Variants in WFDC11 observed in about 807,000 individuals in gnomAD.
WFDC11 encodes protein WFDC11.
Under a neutral mutation model 9.9 loss-of-function variants are expected in WFDC11, and 9 were observed. The observed-to-expected ratio is 0.91, with a 90% CI of 0.55 to 1.58. The LOEUF (loss-of-function observed/expected upper bound fraction) is 1.58. Among genes scored for constraint, WFDC11 ranks in the 40% most tolerant of loss-of-function variants. The pLI is 0.00. For missense variants in WFDC11, 106 were observed against 101.7 expected, an observed-to-expected ratio of 1.04 and a Z score of -0.18; for synonymous variants, 32 against 33.3, an observed-to-expected ratio of 0.96 and a Z score of 0.13.
intron 2 of WFDC11, among the ~76,000 whole-genome samples, chr20:45,661,469 G>A (rs887326018): frequency 1.7e-4 from 26 of 151,896 alleles, no homozygotes; most frequent in East Asian, 3.8e-4. Flanking sequence ...TGCTTTTGGC[G>A]TTTTAGACAT....
chr20:45,650,852 A>G (rs1982790998), intron 2 of WFDC11, among the ~76,000 whole-genome samples: 1 of 152,230 alleles, frequency 6.6e-6, no homozygotes, highest in African/African-American at 2.4e-5. Flanking sequence ...GCTGGAAAAA[A>G]AATATAATGT....
intron 2 of WFDC11, among the ~76,000 whole-genome samples, chr20:45,664,352 T>C (rs1374516216): frequency 6.6e-6 from 1 of 152,198 alleles, no homozygotes; most frequent in Non-Finnish European, 1.5e-5. Flanking sequence ...TATAGCACAC[T>C]GATGGGTCTT....
intron 2 of WFDC11, among the ~76,000 whole-genome samples, chr20:45,656,222 G>GTA (rs1555803599): frequency 1.4e-5 from 2 of 139,352 alleles, no homozygotes; most frequent in Non-Finnish European, 3.1e-5. Context: ...CATAGTACTG[G>GTA]TAAAAAAAAA....
At chr20:45,653,665 T>A (rs1226935792) in intron 2 of WFDC11, among the ~76,000 whole-genome samples, 3 of 152,136 alleles carry the variant, frequency 2.0e-5, no homozygotes, top group Non-Finnish European at 4.4e-5. Context: ...GACCCATCAG[T>A]GTGTTGTATT....
At chr20:45,654,628 TC>T (rs1296459395) in intron 2 of WFDC11, among the ~76,000 whole-genome samples, 2 of 152,036 alleles carry the variant, frequency 1.3e-5, no homozygotes, top group East Asian at 3.8e-4. Context: ...CTTCAAAAAA[TC>T]AATGAATCCA....
At chr20:45,661,293 G>A (rs1156712800) in intron 2 of WFDC11, among the ~76,000 whole-genome samples, 5 of 152,076 alleles carry the variant, frequency 3.3e-5, no homozygotes, top group Admixed American at 1.3e-4. Flanking sequence ...ATTTGTTTGA[G>A]TTCTTTATAG....
At position 45,656,155 on chromosome 20, in the gene WFDC11, G is replaced by T. The variant is rs553918549; in HGVS notation, c.-51-5504C>A. Among the ~76,000 whole-genome samples, 9 of 152,174 alleles carry T rather than the reference G, an allele frequency of 5.9e-5. No homozygotes were observed. The South Asian group carries it at 1.7e-3, about 28-fold the overall frequency. ...ATCCTAAACCAAAAGAACAAAGCTG[G>T]AGGCATCACGTTACCTGACTTCAAA... On this transcript the variant is annotated intron_variant, in intron 2 of 4. Transcript: ENST00000324384.
At chr20:45,666,021 C>T (rs1287658312) in intron 2 of WFDC11, among the ~76,000 whole-genome samples, 7 of 152,210 alleles carry the variant, frequency 4.6e-5, no homozygotes, top group Non-Finnish European at 1.0e-4. Flanking sequence ...ATATGCCCTG[C>T]CCACAGTGGT....
intron 2 of WFDC11, among the ~76,000 whole-genome samples, chr20:45,658,569 T>C (rs1982986374): frequency 6.6e-6 from 1 of 152,210 alleles, no homozygotes; most frequent in Non-Finnish European, 1.5e-5. Context: ...CATTTCTTAA[T>C]GAGCTTATTT....
intron 2 of WFDC11, among the ~76,000 whole-genome samples, chr20:45,659,182 T>C (rs1983000147): frequency 6.6e-6 from 1 of 152,264 alleles, no homozygotes. Flanking sequence ...TACATGTGCA[T>C]GTGTCTTTAT....
intron 2 of WFDC11, among the ~76,000 whole-genome samples, chr20:45,665,757 A>G (rs2145624369): frequency 6.6e-6 from 1 of 152,324 alleles, no homozygotes; most frequent in East Asian, 1.9e-4. Flanking sequence ...AGGCTGCAGA[A>G]TAGCAAATAT....
At chr20:45,661,495 G>A (rs868260502) in intron 2 of WFDC11, among the ~76,000 whole-genome samples, 3 of 152,126 alleles carry the variant, frequency 2.0e-5, no homozygotes, top group Non-Finnish European at 4.4e-5. Flanking sequence ...CCTTGCCCAC[G>A]CCTATGTCCT....
chr20:45,663,442 T>C (rs1395192679), intron 2 of WFDC11, among the ~76,000 whole-genome samples: 2 of 152,220 alleles, frequency 1.3e-5, no homozygotes, highest in Non-Finnish European at 2.9e-5. Context: ...TCTTCTCTGA[T>C]CTTAGTTATT....
At chr20:45,663,375 A>T (rs776721914) in intron 2 of WFDC11, among the ~76,000 whole-genome samples, 4 of 152,100 alleles carry the variant, frequency 2.6e-5, no homozygotes, top group Non-Finnish European at 5.9e-5. Flanking sequence ...TCAAAAAACC[A>T]GCTCCTGGAT....
At chr20:45,658,402 G>T (rs1363689569) in intron 2 of WFDC11, among the ~76,000 whole-genome samples, 2 of 151,992 alleles carry the variant, frequency 1.3e-5, no homozygotes, top group African/African-American at 4.8e-5. Context: ...TCTGTTCAGG[G>T]TATCTAATTC....
At chr20:45,669,160 G>A (rs1223710768) in intron 1 of WFDC11, among the ~76,000 whole-genome samples, 1 of 152,070 alleles carries the variant, frequency 6.6e-6, no homozygotes, top group East Asian at 1.9e-4. Flanking sequence ...CTCATCCGAT[G>A]TAAACTTAAA....
intron 2 of WFDC11, among the ~76,000 whole-genome samples, chr20:45,660,689 G>A (rs6073839): frequency 0.2 from 29,649 of 151,896 alleles, 3,190 homozygotes; most frequent in East Asian, 0.32. Context: ...TTCTTGTGAT[G>A]GTTTACTGAG....
intron 2 of WFDC11, among the ~76,000 whole-genome samples, chr20:45,666,143 C>T (rs1778565121): frequency 6.6e-6 from 1 of 152,228 alleles, no homozygotes; most frequent in Non-Finnish European, 1.5e-5. Flanking sequence ...ACACCCCTCC[C>T]CCCGCCAGGC....
chr20:45,657,964 G>A (rs1430810705), intron 2 of WFDC11, among the ~76,000 whole-genome samples: 1 of 152,070 alleles, frequency 6.6e-6, no homozygotes, highest in African/African-American at 2.4e-5. Flanking sequence ...TCTTTCATAT[G>A]TGCATAGATA....
Sources: gnomAD v4.1 joint callset for allele counts (sites outside exome capture counted in the v4.1 genomes callset) on GRCh38, gnomAD v4.1.1 for gene constraint, MANE v1.5 for transcripts, NCBI Gene and HGNC (gene_info 2026-07-23, HGNC 2026-07-21) for gene names.